Variants in AIG1 observed in about 807,000 individuals in gnomAD.
AIG1 encodes the protein androgen-induced gene 1 protein.
In AIG1, 23 loss-of-function variants were observed where a neutral mutation model predicts 31.4. The observed-to-expected ratio is 0.73, with a 90% CI of 0.53 to 1.04. The LOEUF (loss-of-function observed/expected upper bound fraction) is 1.04. Among genes scored for constraint, AIG1 ranks in the 50% least tolerant of loss-of-function variants. The probability of loss-of-function intolerance (pLI) is 0.00; values close to 1 mark genes in which losing one functional copy is unlikely to be tolerated. For missense variants in AIG1, 274 were observed against 295.0 expected (o/e 0.93, Z 0.52); for synonymous variants, 100 against 110.5 (o/e 0.90, Z 0.60).
chr6:143,107,529 A>G (rs1780910535), intron 1 of AIG1, among the ~76,000 whole-genome samples: 1 of 152,198 alleles, frequency 6.6e-6, no homozygotes, highest in South Asian at 2.1e-4. Context: ...AAACTAGAAT[A>G]AAGCTTCCTT....
At chr6:143,232,371 C>T (rs2128632311) in intron 3 of AIG1, among the ~76,000 whole-genome samples, 1 of 152,234 alleles carries the variant, frequency 6.6e-6, no homozygotes, top group Middle Eastern at 3.4e-3. Context: ...GAGGCTCAGG[C>T]GGAGCAGCCC....
intron 4 of AIG1, among the ~76,000 whole-genome samples, chr6:143,307,488 A>G (rs572344554): frequency 0.013 from 2,008 of 152,260 alleles, 38 homozygotes; most frequent in African/African-American, 0.044. Flanking sequence ...TGCCTGGGTA[A>G]CAGCAGCGGT....
chr6:143,287,546 T>A (rs1797768011), intron 4 of AIG1, among the ~76,000 whole-genome samples: 1 of 151,762 alleles, frequency 6.6e-6, no homozygotes, highest in Non-Finnish European at 1.5e-5. Flanking sequence ...ACATAGTGAG[T>A]TTTTTATTTT....
At position 143,095,901 on chromosome 6, in the gene AIG1, CTT is replaced by C. The variant is rs372161832; in HGVS notation, c.141+34858_141+34859del. 3.9e-5 allele frequency among the ~76,000 whole-genome samples: 4 copies of C among 103,712 alleles called. No individual in the cohort carries two copies. In the East Asian group the frequency reaches 9.5e-4, roughly 25 times the overall value. The allele number at this position is 103,712 out of a possible 152,430, so 68.0% of individuals were successfully genotyped here. A position where few individuals can be genotyped will look rare whatever the true frequency, so the allele number is the denominator to read the frequency against. On this transcript the variant is annotated intron_variant, in intron 1 of 5. Transcript: ENST00000357847. The stretch of plus-strand genomic sequence containing the variant: ...GTGGTTTTAATTACAGCTACTTTAT[CTT>C]TTTTTTTTTTTTTTTTTTTTTTGAG...
Position 143,338,045 on chromosome 6 carries a change from C to A in AIG1, c.680-1594C>A, listed in dbSNP as rs546425355. Reference sequence around the variant, plus strand: ...GTCAATGAATACCCCCCGTTCTCCACCCGCGCTTTTGAAGATTCCAGCACT... The same window carrying A: ...GTCAATGAATACCCCCCGTTCTCCAACCGCGCTTTTGAAGATTCCAGCACT... On this transcript the variant is annotated intron_variant, in intron 5 of 5. Coordinates refer to ENST00000357847, the MANE Select transcript of AIG1 (RefSeq NM_016108.4). The surrounding 1 kb of genome is among the most constrained non-coding windows in gnomAD (Gnocchi z 4.3). 8 of 398,552 alleles carry A rather than the reference C, an allele frequency of 2.0e-5. No individual in the cohort carries two copies. The highest frequency in any genetic ancestry group is 1.6e-4 in the African/African-American group (8 of 48,640). 24.7% of individuals were successfully genotyped at this position (398,552 alleles called of 1,614,324 possible).
rs1797354339 is a variant in AIG1, at chr6:143,281,761, G to C, written c.400-2349G>C. 3.3e-5 allele frequency among the ~76,000 whole-genome samples: 5 copies of C among 152,200 alleles called. No individual in the cohort carries two copies. In the South Asian group the frequency reaches 1.0e-3, roughly 31 times the overall value. On this transcript the variant is annotated intron_variant, in intron 3 of 5. Coordinates refer to ENST00000357847, the MANE Select transcript of AIG1 (RefSeq NM_016108.4). The stretch of plus-strand genomic sequence containing the variant: ...AAATTTCTAGAGAGGGAGATACACA[G>C]TCTTTAGTGCATGAAAATTCCAAAT...
In AIG1 at chr6:143,147,194, C is replaced by T. The variant is rs9390060; in HGVS notation, c.297+10204C>T. ...AATTGTGTTGGTGAAGCTGTTGCCA[C>T]GTGAGGAAATTGAAGGAAGCTATGC... On this transcript the variant is annotated intron_variant, in intron 2 of 5. Transcript: ENST00000357847. Among the ~76,000 whole-genome samples the T allele has an allele frequency of 2.9e-3, 446 of 152,212 alleles. 13 individuals are homozygous for T. In the East Asian group the frequency reaches 0.054, roughly 18 times the overall value.
intron 1 of AIG1, among the ~76,000 whole-genome samples, chr6:143,120,793 A>G (rs753325848): frequency 2.6e-5 from 4 of 152,210 alleles, no homozygotes; most frequent in Non-Finnish European, 4.4e-5. Context: ...CAGGCCCTCC[A>G]TAAACTGGCC....
At chr6:143,115,485 A>G (rs1449078758) in intron 1 of AIG1, among the ~76,000 whole-genome samples, 1 of 152,192 alleles carries the variant, frequency 6.6e-6, no homozygotes, top group Non-Finnish European at 1.5e-5. Flanking sequence ...ATAATTTCTC[A>G]TATTTAAAAG....
chr6:143,326,573 A>G lies in AIG1; in HGVS notation c.516-6709A>G, dbSNP rs745586431. 6.6e-6 allele frequency among the ~76,000 whole-genome samples: 1 copy of G among 152,202 alleles called. No homozygotes were observed. The highest frequency in any genetic ancestry group is 2.4e-5 in the African/African-American group (1 of 41,460). The stretch of plus-strand genomic sequence containing the variant: ...GGAGAAACATATTATTTAAATAAAG[A>G]TATTCAAATTTAAGTATGAATAAAA... On this transcript the variant is annotated intron_variant, in intron 4 of 5. Transcript: ENST00000357847. This position sits in a 1 kb window ranked among gnomAD's most constrained non-coding sequence, Gnocchi z 4.5.
At chr6:143,274,620 A>C (rs1211385852) in intron 3 of AIG1, among the ~76,000 whole-genome samples, 8 of 152,218 alleles carry the variant, frequency 5.3e-5, no homozygotes, top group Admixed American at 3.3e-4. Flanking sequence ...CCAGAACAGC[A>C]GTCCGTTGGA....
chr6:143,257,424 T>G (rs1795446013), intron 3 of AIG1, among the ~76,000 whole-genome samples: 1 of 152,236 alleles, frequency 6.6e-6, no homozygotes, highest in Non-Finnish European at 1.5e-5. Context: ...AAATTAAACT[T>G]CTGAAATTAG....
chr6:143,245,780 C>T (rs1394118515), intron 3 of AIG1, among the ~76,000 whole-genome samples: 2 of 152,270 alleles, frequency 1.3e-5, no homozygotes, highest in South Asian at 2.1e-4. Flanking sequence ...CATCTGTAAT[C>T]CTTACAGCAA....
At chr6:143,066,311 CTG>C (rs1032018227) in intron 1 of AIG1, among the ~76,000 whole-genome samples, 1 of 151,494 alleles carries the variant, frequency 6.6e-6, no homozygotes, top group East Asian at 1.9e-4. Context: ...GAGTTTCACT[CTG>C]TCACCCAGGC....
At chr6:143,123,316 A>G (rs1479320764) in intron 1 of AIG1, among the ~76,000 whole-genome samples, 1 of 152,252 alleles carries the variant, frequency 6.6e-6, no homozygotes, top group Non-Finnish European at 1.5e-5. Flanking sequence ...CTTATAAAGT[A>G]GCAACACTAA....
At chr6:143,134,816 TC>T (rs1176778650) in intron 1 of AIG1, among the ~76,000 whole-genome samples, 1 of 152,160 alleles carries the variant, frequency 6.6e-6, no homozygotes, top group Non-Finnish European at 1.5e-5. Context: ...CATGATATTT[TC>T]AACATTTTAT....
chr6:143,313,984 A>G (rs1025158329), intron 4 of AIG1, among the ~76,000 whole-genome samples: 3 of 152,006 alleles, frequency 2.0e-5, no homozygotes, highest in African/African-American at 4.8e-5. Flanking sequence ...ATTCGGCATC[A>G]TATAGGAAAT....
chr6:143,146,551 TTC>T (rs1407559376), intron 2 of AIG1, among the ~76,000 whole-genome samples: 1 of 150,836 alleles, frequency 6.6e-6, no homozygotes, highest in African/African-American at 2.4e-5. Context: ...TCTTCTCTCT[TTC>T]TCTCTCTACC....
chr6:143,088,402 C>A (rs750352557), intron 1 of AIG1, among the ~76,000 whole-genome samples: 1 of 152,118 alleles, frequency 6.6e-6, no homozygotes, highest in Non-Finnish European at 1.5e-5. Context: ...AAGATTACTT[C>A]TGTATCAGCC....
Sources: gnomAD v4.1 joint callset for allele counts (sites outside exome capture counted in the v4.1 genomes callset) on GRCh38, gnomAD v4.1.1 for gene constraint, Gnocchi (gnomAD v3.1) non-coding constraint, MANE v1.5 for transcripts, NCBI Gene and HGNC (gene_info 2026-07-23, HGNC 2026-07-21) for gene names.